The following MAGI3 variants were observed in gnomAD, a reference collection of about 807,000 sequenced individuals.
The protein encoded by MAGI3 is membrane associated guanylate kinase, WW and PDZ domain containing 3.
A neutral mutation model predicts 121.8 loss-of-function variants in MAGI3; 43 were observed. The observed-to-expected ratio is 0.35, with a 90% CI of 0.28 to 0.46. The LOEUF is 0.46. Ranked by LOEUF, MAGI3 falls within the 20% of genes least tolerant of loss-of-function variation. MAGI3 has a pLI of 1.00. For synonymous variants in MAGI3, 553 were observed against 639.3 expected, an observed-to-expected ratio of 0.86 and a Z score of 2.04; for missense variants, 1,547 against 1,797.3, an observed-to-expected ratio of 0.86 and a Z score of 2.52.
intron 9 of MAGI3, among the ~76,000 whole-genome samples, chr1:113,626,459 G>GTAA (rs1338611507): frequency 2.0e-4 from 31 of 152,094 alleles, no homozygotes; most frequent in African/African-American, 7.2e-4. Context: ...GGATATCAGG[G>GTAA]TAATACTGGC....
chr1:113,406,457 A>G (rs1321580350), intron 1 of MAGI3, among the ~76,000 whole-genome samples: 1 of 151,812 alleles, frequency 6.6e-6, no homozygotes, highest in Non-Finnish European at 1.5e-5. Context: ...CTAAGAAAAA[A>G]AAAAAAGGAA....
chr1:113,406,897 C>T (rs1252865241), intron 1 of MAGI3, among the ~76,000 whole-genome samples: 2 of 152,168 alleles, frequency 1.3e-5, no homozygotes, highest in Non-Finnish European at 2.9e-5. Flanking sequence ...GGGGACATGT[C>T]CATTGTGAGT....
At chr1:113,411,894 CGTTAAGTTCTGGGG>C (rs1376488591) in intron 1 of MAGI3, among the ~76,000 whole-genome samples, 1 of 151,868 alleles carries the variant, frequency 6.6e-6, no homozygotes, top group Non-Finnish European at 1.5e-5. Context: ...TTTTATTATA[CGTTAAGTTCTGGGG>C]TGCATGTGCA....
chr1:113,583,680 G>A (rs1488792473), intron 3 of MAGI3, among the ~76,000 whole-genome samples: 1 of 152,056 alleles, frequency 6.6e-6, no homozygotes, highest in Non-Finnish European at 1.5e-5. Flanking sequence ...GTGTATTTCT[G>A]TGCCGGCTGC....
chr1:113,474,756 GT>G (rs1429757006), intron 1 of MAGI3, among the ~76,000 whole-genome samples: 4 of 152,274 alleles, frequency 2.6e-5, no homozygotes, highest in Admixed American at 2.6e-4. Context: ...GTTTAAAGTA[GT>G]TTTTTCCAAT....
chr1:113,409,956 C>T (rs1403304861), intron 1 of MAGI3, among the ~76,000 whole-genome samples: 4 of 152,096 alleles, frequency 2.6e-5, no homozygotes, highest in African/African-American at 4.8e-5. Context: ...CTGCAAGTCA[C>T]GCCGTTAAAC....
chr1:113,395,850 TACAA>T (rs1651084226), intron 1 of MAGI3, among the ~76,000 whole-genome samples: 2 of 152,096 alleles, frequency 1.3e-5, no homozygotes, highest in Admixed American at 6.6e-5. Flanking sequence ...ATCTTACTGG[TACAA>T]ACAAATACTT....
rs192843985 is a variant in MAGI3, at chr1:113,398,838, T to C, written c.316+7489T>C. ...TGGAGTAGTTCCAGAGATATATTAC[T>C]CTTTGGATATGGTTATCTAGTTTGC... is the stretch of plus-strand genomic sequence containing the variant. On this transcript the variant is annotated intron_variant, in intron 1 of 20. Coordinates refer to ENST00000307546, the MANE Select transcript of MAGI3 (RefSeq NM_001142782.2). 2.0e-3 allele frequency among the ~76,000 whole-genome samples: 308 copies of C among 152,102 alleles called. 1 individual carries two copies. Among genetic ancestry groups the C allele is most frequent in the African/African-American group, 7.2e-3 (299 of 41,488 alleles).
chr1:113,639,672 A>G (rs60095847), intron 9 of MAGI3, among the ~76,000 whole-genome samples: 3,645 of 152,174 alleles, frequency 0.024, 148 homozygotes, highest in African/African-American at 0.083. Flanking sequence ...GGTTCAAGCA[A>G]TTCTCCTGCC....
rs983606698 is a variant in MAGI3, at chr1:113,604,915, C to T, written c.1019-9686C>T. Among the ~76,000 whole-genome samples, 3 of 151,042 alleles carry T rather than the reference C, an allele frequency of 2.0e-5. No individual in the cohort carries two copies. In the East Asian group the frequency reaches 5.8e-4, roughly 29 times the overall value. On this transcript the variant is annotated intron_variant, in intron 6 of 20. Transcript: ENST00000307546. ...GGGTGCACTAAAATCTCAGATTTCA[C>T]CACTATACAGTTCATCCATGTAACC...
At chr1:113,536,273 G>C (rs531701355) in intron 1 of MAGI3, among the ~76,000 whole-genome samples, 1 of 151,638 alleles carries the variant, frequency 6.6e-6, no homozygotes, top group Admixed American at 6.6e-5. Context: ...AGAGATACAG[G>C]GTTTGCCACT....
chr1:113,448,378 G>A (rs1182980090), intron 1 of MAGI3, among the ~76,000 whole-genome samples: 1 of 152,086 alleles, frequency 6.6e-6, no homozygotes, highest in Non-Finnish European at 1.5e-5. Context: ...CTACTGTTTG[G>A]GAGTTGAAGT....
intron 1 of MAGI3, among the ~76,000 whole-genome samples, chr1:113,408,440 G>A (rs947243591): frequency 3.3e-5 from 5 of 152,072 alleles, no homozygotes; most frequent in African/African-American, 1.2e-4. Flanking sequence ...TCTGTCCTAT[G>A]GAATTAACTA....
intron 1 of MAGI3, among the ~76,000 whole-genome samples, chr1:113,510,583 T>C (rs1657568250): frequency 6.6e-6 from 1 of 152,212 alleles, no homozygotes; most frequent in African/African-American, 2.4e-5. Context: ...ACTTAGACTG[T>C]TTCTCTTTCA....
intron 6 of MAGI3, among the ~76,000 whole-genome samples, chr1:113,604,094 A>G (rs919402441): frequency 1.3e-5 from 2 of 152,208 alleles, no homozygotes; most frequent in Admixed American, 1.3e-4. Context: ...AAGAACTAAA[A>G]TTAGATCTAC....
At chr1:113,614,704 C>T (rs3761932) in intron 7 of MAGI3, 46 bp downstream of exon 7, 20,705 of 1,379,338 alleles carry the variant, frequency 0.015, 263 homozygotes, top group East Asian at 0.048. Flanking sequence ...ATTTTCCTTT[C>T]AGCATATAGC....
intron 6 of MAGI3, among the ~76,000 whole-genome samples, chr1:113,601,069 T>C (rs1384554129): frequency 1.3e-5 from 2 of 151,902 alleles, no homozygotes; most frequent in African/African-American, 4.8e-5. Context: ...AAAAATTAAT[T>C]CAAGATGGAT....
chr1:113,511,439 G>T (rs920916596), intron 1 of MAGI3, among the ~76,000 whole-genome samples: 14 of 152,156 alleles, frequency 9.2e-5, no homozygotes, highest in Non-Finnish European at 2.1e-4. Context: ...TCAGCACTCT[G>T]GCAAAAAGCT....
intron 19 of MAGI3, among the ~76,000 whole-genome samples, chr1:113,678,483 A>G (rs1198700772): frequency 6.6e-6 from 1 of 152,112 alleles, no homozygotes; most frequent in East Asian, 1.9e-4. Context: ...TAAATCCATC[A>G]ATCTTGTTTC....
Sources: gnomAD v4.1 joint callset for allele counts (sites outside exome capture counted in the v4.1 genomes callset) on GRCh38, gnomAD v4.1.1 for gene constraint, MANE v1.5 for transcripts, NCBI Gene and HGNC (gene_info 2026-07-23, HGNC 2026-07-21) for gene names.